AGPS: variants seen among roughly 807,000 people sequenced by gnomAD.
AGPS encodes alkyldihydroxyacetonephosphate synthase, peroxisomal.
Under a neutral mutation model 90.7 loss-of-function variants are expected in AGPS, and 26 were observed. The observed-to-expected ratio is 0.29, with a 90% CI of 0.21 to 0.40. The LOEUF (loss-of-function observed/expected upper bound fraction) is 0.40, where lower values mean the gene tolerates loss of function less well. Ranked by LOEUF, AGPS falls within the 10% of genes least tolerant of loss-of-function variation. The pLI is 1.00. For missense variants in AGPS, 540 were observed against 816.1 expected (o/e 0.66, Z 4.12); for synonymous variants, 294 against 285.3 (o/e 1.03, Z -0.31).
At chr2:177,511,015 G>C (rs1688853196) in intron 16 of AGPS, among the ~76,000 whole-genome samples, 1 of 152,136 alleles carries the variant, frequency 6.6e-6, no homozygotes. Flanking sequence ...ATTCTTCATA[G>C]ATTCTTATGA....
At chr2:177,482,802 G>A (rs1016015543) in intron 11 of AGPS, among the ~76,000 whole-genome samples, 2 of 151,728 alleles carry the variant, frequency 1.3e-5, no homozygotes, top group Non-Finnish European at 2.9e-5. Flanking sequence ...TTTTTTTTAA[G>A]ACAAGATAAT....
At chr2:177,439,296 G>A (rs973638831) in intron 5 of AGPS, among the ~76,000 whole-genome samples, 4 of 152,150 alleles carry the variant, frequency 2.6e-5, no homozygotes, top group African/African-American at 9.7e-5. Flanking sequence ...TAACATATTG[G>A]GTAGTGTTAA....
intron 1 of AGPS, 112 bp from the exon 2 acceptor site, chr2:177,420,157 A>T: frequency 1.4e-6 from 1 of 714,692 alleles, no homozygotes; most frequent in Non-Finnish European, 2.5e-6. Context: ...CTTATACAAT[A>T]TTTGTGGGCA....
In AGPS at chr2:177,438,994, A is replaced by ACAC. The variant is rs139228539; in HGVS notation, c.637+1941_637+1943dup. 5.3e-5 allele frequency among the ~76,000 whole-genome samples: 8 copies of ACAC among 151,948 alleles called. 1 individual carries two copies. Among genetic ancestry groups the ACAC allele is most frequent in the Non-Finnish European group, 1.2e-4 (8 of 67,992 alleles). ...TCTCATTCTTGCAATACACACACAC[A>ACAC]CACACACACAACTGGAAATCTGTTG... On this transcript the variant is annotated intron_variant, in intron 5 of 19. Transcript: ENST00000264167.
chr2:177,409,697 G>A (rs1189928741), intron 1 of AGPS, among the ~76,000 whole-genome samples: 1 of 152,104 alleles, frequency 6.6e-6, no homozygotes, highest in Admixed American at 6.5e-5. Flanking sequence ...CCTTGGGAGG[G>A]GTGCCTTCGA....
At chr2:177,407,674 A>G (rs1685504770) in intron 1 of AGPS, among the ~76,000 whole-genome samples, 1 of 152,134 alleles carries the variant, frequency 6.6e-6, no homozygotes, top group Non-Finnish European at 1.5e-5. Flanking sequence ...GCAATTTAAC[A>G]TGATATTTGG....
At chr2:177,522,803 C>A (rs1574031163) in intron 18 of AGPS, among the ~76,000 whole-genome samples, 1 of 152,148 alleles carries the variant, frequency 6.6e-6, no homozygotes, top group Non-Finnish European at 1.5e-5. Context: ...GTCTGTCCCA[C>A]CTGGGCCCTC....
chr2:177,441,012 A>T lies in AGPS; in HGVS notation c.685A>T (p.Asn229Tyr). ...GATTGTGAATCTAGCTTGCAAATAT[A>T]ATCTTTGTATCATACCAATTGGTGG... The part of the protein sequence containing the change: ...VKIVNLACKY[N>Y]LCIIPIGGGT... The change falls in exon 6 of 20, where the codon AAT (asparagine) becomes TAT (tyrosine). Residue 229 changes from asparagine (N) to tyrosine (Y), a missense_variant. Coordinates refer to ENST00000264167, the MANE Select transcript of AGPS (RefSeq NM_003659.4). 2 of 1,612,754 alleles carry T rather than the reference A, an allele frequency of 1.2e-6. No homozygotes were observed. The highest frequency in any genetic ancestry group is 1.7e-6 in the Non-Finnish European group (2 of 1,179,132).
At chr2:177,510,356 C>T (rs937692456) in intron 16 of AGPS, among the ~76,000 whole-genome samples, 2 of 152,140 alleles carry the variant, frequency 1.3e-5, no homozygotes, top group Admixed American at 6.5e-5. Flanking sequence ...AATGCAGCTC[C>T]ACCCACAGGA....
intron 15 of AGPS, among the ~76,000 whole-genome samples, chr2:177,507,024 TA>T (rs1688736700): frequency 6.6e-6 from 1 of 151,652 alleles, no homozygotes; most frequent in African/African-American, 2.4e-5. Context: ...AAAAGCAAGT[TA>T]GGGATTCCGC....
intron 1 of AGPS, among the ~76,000 whole-genome samples, chr2:177,418,889 G>T (rs372157899): frequency 1.3e-5 from 2 of 151,858 alleles, no homozygotes; most frequent in Admixed American, 6.6e-5. Context: ...CAAAAGCTCC[G>T]TTCCAAAATC....
chr2:177,542,893 GT>G lies in AGPS; in HGVS notation c.*4699del, dbSNP rs756473052. 4 of 152,054 alleles carry G rather than the reference GT, an allele frequency of 2.6e-5. No homozygotes were observed. Among genetic ancestry groups the G allele is most frequent in the Non-Finnish European group, 2.9e-5 (2 of 67,998 alleles). The allele number at this position is 152,054 out of a possible 1,614,324, so 9.4% of individuals were successfully genotyped here. ...CATTATTTTAAATGAGTGGGAGAGG[GT>G]AAGTCTTTAGACAGAGGTCATTCAG... is the stretch of plus-strand genomic sequence containing the variant. On this transcript the variant is annotated 3_prime_UTR_variant, in exon 20 of 20. Coordinates refer to ENST00000264167, the MANE Select transcript of AGPS (RefSeq NM_003659.4).
chr2:177,534,403 C>T (rs2079165019), intron 19 of AGPS, among the ~76,000 whole-genome samples: 1 of 152,068 alleles, frequency 6.6e-6, no homozygotes, highest in Admixed American at 6.6e-5. Context: ...TTCATATTCT[C>T]TGTTCCAAAA....
intron 11 of AGPS, among the ~76,000 whole-genome samples, chr2:177,490,134 T>A (rs1284668088): frequency 1.3e-5 from 2 of 152,222 alleles, no homozygotes; most frequent in African/African-American, 2.4e-5. Context: ...CAAATTGATG[T>A]TGTTTTTTAA....
In AGPS at chr2:177,470,714, AAAAAAAAAAAAG is replaced by A. The variant is rs1433175321; in HGVS notation, c.1105+2201_1105+2212del. Among the ~76,000 whole-genome samples the A allele has an allele frequency of 6.4e-3, 959 of 150,998 alleles. 10 individuals carry two copies. Among genetic ancestry groups the A allele is most frequent in the African/African-American group, 0.022 (911 of 41,150 alleles). On this transcript the variant is annotated intron_variant, in intron 10 of 19. Coordinates refer to ENST00000264167, the MANE Select transcript of AGPS (RefSeq NM_003659.4). Reference sequence around the variant, plus strand: ...TGATGGAGTGAGACTTTGTCTCAAAAAAAAAAAAAAAGAAAAAAAAAAGAAATATTTAAAATT... The same window carrying A: ...TGATGGAGTGAGACTTTGTCTCAAAAAAAAAAAAAAGAAATATTTAAAATT...
In AGPS at chr2:177,461,764, TGCTA is replaced by T; in HGVS notation, c.871-128_871-125del. On this transcript the variant is annotated intron_variant, in intron 8 of 19. Transcript: ENST00000264167. Reference sequence around the variant, plus strand: ...TAAAAGTATCTTTTTTTTTTTTTTTTGCTATGTAGGAATTAATAAATTCAAATAT... The same window carrying T: ...TAAAAGTATCTTTTTTTTTTTTTTTTTGTAGGAATTAATAAATTCAAATAT... 6.3e-6 allele frequency: 4 copies of T among 639,696 alleles called. No homozygotes were observed. The African/African-American group carries it at 7.7e-5, about 12-fold the overall frequency. 39.6% of individuals were successfully genotyped at this position (639,696 alleles called of 1,614,324 possible).
rs542368123 is a variant in AGPS, at chr2:177,460,456, A to G, written c.871-1437A>G. Among the ~76,000 whole-genome samples, 4 of 152,226 alleles carry G rather than the reference A, an allele frequency of 2.6e-5. No homozygotes were observed. The South Asian group carries it at 6.2e-4, about 24-fold the overall frequency. On this transcript the variant is annotated intron_variant, in intron 8 of 19. Coordinates refer to ENST00000264167, the MANE Select transcript of AGPS (RefSeq NM_003659.4). ...TGTTGAGCAGATTAAATGAATTAAC[A>G]CACTTAAAAAATTAGTTAAAGTGTG... is the stretch of plus-strand genomic sequence containing the variant.
intron 1 of AGPS, among the ~76,000 whole-genome samples, chr2:177,410,504 C>T (rs752731587): frequency 6.6e-6 from 1 of 152,140 alleles, no homozygotes; most frequent in Non-Finnish European, 1.5e-5. Flanking sequence ...GTATAATGGC[C>T]CCTCCTTTTG....
intron 1 of AGPS, among the ~76,000 whole-genome samples, chr2:177,413,739 T>A (rs975424658): frequency 8.5e-5 from 13 of 152,218 alleles, no homozygotes; most frequent in African/African-American, 3.1e-4. Flanking sequence ...AAGGGTAGGA[T>A]GGTTGTTTCT....
Sources: gnomAD v4.1 joint callset for allele counts (sites outside exome capture counted in the v4.1 genomes callset) on GRCh38, gnomAD v4.1.1 for gene constraint, MANE v1.5 for transcripts, NCBI Gene and HGNC (gene_info 2026-07-23, HGNC 2026-07-21) for gene names.